NBEA: variants seen among roughly 807,000 people sequenced by gnomAD.
The protein encoded by NBEA is lysosomal-trafficking regulator 2.
NBEA carries 44 observed loss-of-function variants against 343.4 expected under a neutral mutation model. That is an observed-to-expected ratio of 0.13 (90% confidence interval 0.10 to 0.16). The LOEUF is 0.16. Among genes scored for constraint, NBEA ranks in the 10% least tolerant of loss-of-function variants. The pLI is 1.00. For missense variants in NBEA, 2,555 were observed against 3,631.3 expected (o/e 0.70, Z 7.62); for synonymous variants, 1,175 against 1,238.7 (o/e 0.95, Z 1.08).
chr13:34,982,380 A>G (rs2060386910), intron 1 of NBEA, among the ~76,000 whole-genome samples: 2 of 151,154 alleles, frequency 1.3e-5, no homozygotes, highest in African/African-American at 2.4e-5. Flanking sequence ...GCTCACTGCA[A>G]CCCCTGCCTC....
At chr13:35,037,245 A>C (rs1484352895) in intron 1 of NBEA, among the ~76,000 whole-genome samples, 2 of 152,142 alleles carry the variant, frequency 1.3e-5, no homozygotes, top group Non-Finnish European at 2.9e-5. Flanking sequence ...TTGATTTTTA[A>C]AAATTATTTA....
At chr13:35,134,105 A>G (rs576479691) in intron 17 of NBEA, among the ~76,000 whole-genome samples, 14 of 152,212 alleles carry the variant, frequency 9.2e-5, no homozygotes, top group South Asian at 4.1e-4. Flanking sequence ...TAATTTAAGT[A>G]GATGGTGTTA....
intron 28 of NBEA, among the ~76,000 whole-genome samples, chr13:35,180,844 G>C (rs184574977): frequency 5.1e-4 from 77 of 151,636 alleles, no homozygotes; most frequent in African/African-American, 1.8e-3. Context: ...TTCCCTTCTA[G>C]TCCCCAAAGT....
chr13:34,947,661 G>A (rs1001517041), intron 1 of NBEA, among the ~76,000 whole-genome samples: 2 of 152,142 alleles, frequency 1.3e-5, no homozygotes, highest in African/African-American at 4.8e-5. Context: ...CATGAGGGCA[G>A]GAATTGATTT....
chr13:35,334,300 C>T (rs2039111924), intron 36 of NBEA, among the ~76,000 whole-genome samples: 3 of 152,066 alleles, frequency 2.0e-5, no homozygotes, highest in Non-Finnish European at 2.9e-5. Context: ...GACAGAGTCT[C>T]ACCAAGTCAC....
intron 44 of NBEA, 80 bp from the exon 45 acceptor site, chr13:35,566,825 A>G: frequency 1.4e-6 from 1 of 736,710 alleles, no homozygotes; most frequent in Non-Finnish European, 2.3e-6. Flanking sequence ...TCTGAAATTC[A>G]GTAGATGCTT....
At chr13:35,565,412 A>G (rs965889125) in intron 44 of NBEA, among the ~76,000 whole-genome samples, 12 of 152,166 alleles carry the variant, frequency 7.9e-5, no homozygotes, top group African/African-American at 2.9e-4. Context: ...ATGTTTTCCA[A>G]ATGCTGTAAG....
At chr13:35,287,323 T>G (rs1406195978) in intron 34 of NBEA, among the ~76,000 whole-genome samples, 4 of 152,044 alleles carry the variant, frequency 2.6e-5, no homozygotes, top group Non-Finnish European at 5.9e-5. Context: ...TTTGGGGGCT[T>G]CTTCTTAATT....
At chr13:35,106,991 C>T (rs781334210) in intron 11 of NBEA, among the ~76,000 whole-genome samples, 14 of 151,822 alleles carry the variant, frequency 9.2e-5, no homozygotes, top group Admixed American at 4.6e-4. Flanking sequence ...TATCTAGTAA[C>T]AGGATCTGAC....
intron 38 of NBEA, among the ~76,000 whole-genome samples, chr13:35,425,027 T>A (rs2044562176): frequency 1.3e-5 from 2 of 152,176 alleles, no homozygotes; most frequent in African/African-American, 4.8e-5. Context: ...ATCTATTTGA[T>A]TCTTCTCTAT....
chr13:35,215,058 T>C (rs1318997613), intron 33 of NBEA, among the ~76,000 whole-genome samples: 2 of 151,710 alleles, frequency 1.3e-5, no homozygotes, highest in East Asian at 3.9e-4. Flanking sequence ...TAGCTTTATA[T>C]TAAGTTTTGA....
At chr13:35,082,391 T>G (rs1648351917) in intron 10 of NBEA, among the ~76,000 whole-genome samples, 1 of 152,176 alleles carries the variant, frequency 6.6e-6, no homozygotes, top group African/African-American at 2.4e-5. Context: ...TGTGCATGTG[T>G]CTTTATAGCA....
chr13:35,237,867 T>C (rs1384111300), intron 34 of NBEA, among the ~76,000 whole-genome samples: 1 of 152,208 alleles, frequency 6.6e-6, no homozygotes, highest in Non-Finnish European at 1.5e-5. Context: ...GCAGTTTTTA[T>C]TGTCGGTGTC....
At chr13:35,024,054 C>T (rs2061935664) in intron 1 of NBEA, among the ~76,000 whole-genome samples, 1 of 152,200 alleles carries the variant, frequency 6.6e-6, no homozygotes. Flanking sequence ...TTAGCTCCCA[C>T]TTACAGGTTA....
rs2059349964 is a variant in NBEA, at chr13:34,951,547, C to T, written c.294+8433C>T. Among the ~76,000 whole-genome samples the T allele has an allele frequency of 2.6e-5, 4 of 152,196 alleles. No homozygotes were observed. The South Asian group carries it at 8.3e-4, about 31-fold the overall frequency. ...GGAGTACCTGAGCCTAGTGACCTGT[C>T]AGGGAGGGGACTCTTAGGTACACAC... On this transcript the variant is annotated intron_variant, in intron 1 of 58. Coordinates refer to ENST00000379939, the MANE Select transcript of NBEA (RefSeq NM_001385012.1).
At chr13:35,053,962 T>A (rs533373094) in intron 6 of NBEA, among the ~76,000 whole-genome samples, 1 of 152,272 alleles carries the variant, frequency 6.6e-6, no homozygotes, top group South Asian at 2.1e-4. Context: ...GGGAATCCAA[T>A]TCATGTCTTT....
intron 36 of NBEA, among the ~76,000 whole-genome samples, chr13:35,313,867 A>G (rs904614952): frequency 6.6e-6 from 1 of 152,196 alleles, no homozygotes; most frequent in African/African-American, 2.4e-5. Flanking sequence ...TACTTCGCTA[A>G]AGAAATTTGG....
chr13:35,613,239 C>T (rs1304673530), intron 48 of NBEA, among the ~76,000 whole-genome samples: 1 of 151,078 alleles, frequency 6.6e-6, no homozygotes, highest in Non-Finnish European at 1.5e-5. Context: ...CACCATTCTA[C>T]TCACTACTTC....
intron 33 of NBEA, among the ~76,000 whole-genome samples, chr13:35,222,199 T>C (rs2074405726): frequency 6.6e-6 from 1 of 152,138 alleles, no homozygotes; most frequent in Non-Finnish European, 1.5e-5. Flanking sequence ...CTTAATTATA[T>C]AATAGAAAAA....
Sources: allele counts gnomAD v4.1 joint callset (sites outside exome capture counted in the v4.1 genomes callset), GRCh38; gene constraint gnomAD v4.1.1; transcripts MANE v1.5; gene names NCBI Gene and HGNC (gene_info 2026-07-23, HGNC 2026-07-21).